Variants in CACNA2D3 observed in about 807,000 individuals in gnomAD.
CACNA2D3 encodes calcium voltage-gated channel auxiliary subunit alpha2delta 3.
A neutral mutation model predicts 160.6 loss-of-function variants in CACNA2D3; 60 were observed. That is an observed-to-expected ratio of 0.37 (90% CI 0.30 to 0.46). CACNA2D3 has a LOEUF of 0.46. Among genes scored for constraint, CACNA2D3 ranks in the 20% least tolerant of loss-of-function variants. The pLI is 1.00. For missense variants in CACNA2D3, 1,205 were observed against 1,365.0 expected, an observed-to-expected ratio of 0.88 and a Z score of 1.85; for synonymous variants, 558 against 492.9, an observed-to-expected ratio of 1.13 and a Z score of -1.75.
chr3:54,845,757 G>A (rs529398122), intron 16 of CACNA2D3, among the ~76,000 whole-genome samples: 2 of 152,280 alleles, frequency 1.3e-5, no homozygotes, highest in South Asian at 2.1e-4. Context: ...GTGAGGCTCC[G>A]CATAGAAAAT....
intron 4 of CACNA2D3, 129 bp from the exon 5 acceptor site, chr3:54,503,363 T>TA (rs1165872688): frequency 4.0e-6 from 3 of 750,680 alleles, no homozygotes; most frequent in African/African-American, 3.5e-5. Flanking sequence ...ACATAAGACA[T>TA]AAAAAGATTA....
intron 11 of CACNA2D3, among the ~76,000 whole-genome samples, chr3:54,654,690 C>T (rs1699844025): frequency 6.6e-6 from 1 of 152,212 alleles, no homozygotes; most frequent in Middle Eastern, 3.4e-3. Context: ...CAGGAGGGTC[C>T]TGTGGGGATG....
intron 2 of CACNA2D3, among the ~76,000 whole-genome samples, chr3:54,217,386 G>C (rs1203534081): frequency 6.6e-6 from 1 of 152,148 alleles, no homozygotes; most frequent in Non-Finnish European, 1.5e-5. Flanking sequence ...GGACACCATA[G>C]TAGGCTGGAC....
At chr3:54,532,229 G>T (rs1701817063) in intron 5 of CACNA2D3, among the ~76,000 whole-genome samples, 1 of 152,200 alleles carries the variant, frequency 6.6e-6, no homozygotes. Flanking sequence ...TCTGCTTTGA[G>T]ATGCTGTTAA....
chr3:54,752,632 G>T lies in CACNA2D3; in HGVS notation c.1201G>T (p.Ala401Ser). The T allele has an allele frequency of 6.2e-7, 1 of 1,613,574 alleles. No individual in the cohort carries two copies. The highest frequency in any genetic ancestry group is 2.2e-5 in the East Asian group (1 of 44,812). Residue 401 changes from alanine to serine, a missense_variant, in exon 12 of 38, where the codon GCT becomes TCT. By Grantham distance (99) the Ala-to-Ser change is moderately conservative. Coordinates refer to ENST00000474759, the MANE Select transcript of CACNA2D3 (RefSeq NM_018398.3). ...RIFTYLIGRE[A>S]AFADNLKWMA... ...CTTCACATACCTCATTGGACGAGAG[G>T]CTGCGTTTGCAGACAATCTAAAGTG...
At chr3:54,698,452 T>G (rs1700704756) in intron 11 of CACNA2D3, among the ~76,000 whole-genome samples, 3 of 152,242 alleles carry the variant, frequency 2.0e-5, no homozygotes, top group Admixed American at 2.0e-4. Flanking sequence ...CAGTCCTGTT[T>G]TTAAAACTTG....
At chr3:54,170,033 C>A (rs774782830) in intron 2 of CACNA2D3, among the ~76,000 whole-genome samples, 138 of 151,916 alleles carry the variant, frequency 9.1e-4, no homozygotes, top group Middle Eastern at 3.4e-3. Context: ...ACTAAAAATA[C>A]AAAAATTAGC....
At chr3:54,394,318 A>ATTTTTTTTTTT (rs34291779) in intron 4 of CACNA2D3, among the ~76,000 whole-genome samples, 4 of 139,282 alleles carry the variant, frequency 2.9e-5, no homozygotes, top group African/African-American at 1.1e-4. Context: ...GAGAGTGAAC[A>ATTTTTTTTTTT]TTTTTTTTTT....
chr3:54,291,694 G>C (rs773457788), intron 2 of CACNA2D3, among the ~76,000 whole-genome samples: 4 of 152,144 alleles, frequency 2.6e-5, no homozygotes, highest in African/African-American at 4.8e-5. Context: ...TTAGTGGTAG[G>C]CTTCTGACAT....
chr3:54,252,224 T>C (rs1702206059), intron 2 of CACNA2D3, among the ~76,000 whole-genome samples: 1 of 151,874 alleles, frequency 6.6e-6, no homozygotes. Flanking sequence ...AGTGATTAGA[T>C]TGTCAGAAGT....
chr3:54,666,838 A>T (rs1046982791), intron 11 of CACNA2D3, among the ~76,000 whole-genome samples: 1 of 152,142 alleles, frequency 6.6e-6, no homozygotes, highest in East Asian at 1.9e-4. Flanking sequence ...TGTATTGTCA[A>T]CCTCGCATGG....
At chr3:54,558,494 G>A (rs886722916) in intron 5 of CACNA2D3, among the ~76,000 whole-genome samples, 1 of 151,854 alleles carries the variant, frequency 6.6e-6, no homozygotes, top group Non-Finnish European at 1.5e-5. Flanking sequence ...CATGTCACAT[G>A]TGTACAGATT....
At chr3:54,402,470 AAG>A (rs1699486586) in intron 4 of CACNA2D3, among the ~76,000 whole-genome samples, 2 of 152,210 alleles carry the variant, frequency 1.3e-5, no homozygotes, top group South Asian at 4.1e-4. Flanking sequence ...AACCAAAAAA[AAG>A]AGCAGGGCTG....
chr3:54,436,605 AG>A (rs1276955111), intron 4 of CACNA2D3, among the ~76,000 whole-genome samples: 1 of 152,254 alleles, frequency 6.6e-6, no homozygotes, highest in African/African-American at 2.4e-5. Flanking sequence ...GCCATAAAAA[AG>A]AATAGAGTCC....
intron 2 of CACNA2D3, among the ~76,000 whole-genome samples, chr3:54,159,225 A>G (rs1700298004): frequency 6.6e-6 from 1 of 152,226 alleles, no homozygotes; most frequent in Admixed American, 6.5e-5. Flanking sequence ...GTTTAAGAAA[A>G]AAAATCCATA....
At chr3:54,739,055 G>A (rs1156300859) in intron 11 of CACNA2D3, among the ~76,000 whole-genome samples, 1 of 152,048 alleles carries the variant, frequency 6.6e-6, no homozygotes, top group Non-Finnish European at 1.5e-5. Context: ...TGAGATGGGA[G>A]GATTGCTTTG....
intron 3 of CACNA2D3, among the ~76,000 whole-genome samples, chr3:54,350,198 A>G (rs561993074): frequency 6.6e-6 from 1 of 151,932 alleles, no homozygotes; most frequent in East Asian, 1.9e-4. Flanking sequence ...TTTTTTATTT[A>G]TTTATTAAAA....
At chr3:54,431,778 T>C (rs1699994303) in intron 4 of CACNA2D3, among the ~76,000 whole-genome samples, 1 of 152,144 alleles carries the variant, frequency 6.6e-6, no homozygotes, top group South Asian at 2.1e-4. Flanking sequence ...GGCTAATTTT[T>C]GTATTTTTAG....
intron 2 of CACNA2D3, among the ~76,000 whole-genome samples, chr3:54,209,478 G>A (rs117536926): frequency 6.8e-4 from 104 of 152,318 alleles, no homozygotes; most frequent in Admixed American, 4.0e-3. Context: ...TCCCTGTACC[G>A]ATTCTGTACG....
Sources: gnomAD v4.1 joint callset for allele counts (sites outside exome capture counted in the v4.1 genomes callset) on GRCh38, gnomAD v4.1.1 for gene constraint, MANE v1.5 for transcripts, NCBI Gene and HGNC (gene_info 2026-07-23, HGNC 2026-07-21) for gene names.